ARHGAP10: variants seen among roughly 807,000 people sequenced by gnomAD.
The protein encoded by ARHGAP10 is rho GTPase-activating protein 10.
ARHGAP10 carries 87 observed loss-of-function variants against 108.6 expected under a neutral mutation model. The ratio of observed to expected loss-of-function variants is 0.80; its 90% CI spans 0.67 to 0.96. The LOEUF is 0.96. Ranked by LOEUF, ARHGAP10 falls within the 40% of genes least tolerant of loss-of-function variation. The pLI is 0.00. For missense variants in ARHGAP10, 939 were observed against 954.5 expected (o/e 0.98, Z 0.21); for synonymous variants, 347 against 341.1 (o/e 1.02, Z -0.19).
chr4:147,854,886 C>T, intron 4 of ARHGAP10: 2 of 984,600 alleles, frequency 2.0e-6, no homozygotes, highest in Non-Finnish European at 2.4e-6. Context: ...TAAATTCTTT[C>T]TTCATAAAGG....
intron 18 of ARHGAP10, among the ~76,000 whole-genome samples, chr4:148,009,984 C>T (rs1741107826): frequency 6.6e-6 from 1 of 152,104 alleles, no homozygotes; most frequent in Non-Finnish European, 1.5e-5. Flanking sequence ...CCTTGATTCC[C>T]AAACATTTTT....
chr4:147,848,221 T>C (rs2126819256), intron 4 of ARHGAP10, among the ~76,000 whole-genome samples: 1 of 152,290 alleles, frequency 6.6e-6, no homozygotes, highest in East Asian at 1.9e-4. Flanking sequence ...GTTTATGGAA[T>C]GAATTCTCAT....
chr4:148,022,628 T>C (rs1005757689), intron 18 of ARHGAP10, among the ~76,000 whole-genome samples: 3 of 152,226 alleles, frequency 2.0e-5, no homozygotes, highest in South Asian at 2.1e-4. Flanking sequence ...TTGTTATTAC[T>C]GATCTGTGAA....
chr4:148,065,650 A>C (rs1246007061), intron 22 of ARHGAP10: 1 of 152,164 alleles, frequency 6.6e-6, no homozygotes, highest in Non-Finnish European at 1.5e-5. Flanking sequence ...GCTGAAGGGG[A>C]GGGTGCGATG....
At chr4:147,996,889 G>A (rs1459092714) in intron 18 of ARHGAP10, among the ~76,000 whole-genome samples, 1 of 152,156 alleles carries the variant, frequency 6.6e-6, no homozygotes, top group African/African-American at 2.4e-5. Context: ...CCATCCACAA[G>A]CCAGGGAGGG....
chr4:147,875,536 C>T (rs1238382363), intron 8 of ARHGAP10, among the ~76,000 whole-genome samples: 1 of 152,214 alleles, frequency 6.6e-6, no homozygotes, highest in Non-Finnish European at 1.5e-5. Flanking sequence ...CCAATGCACA[C>T]AGGCACACAC....
At chr4:148,026,361 G>A (rs1313181994) in intron 19 of ARHGAP10, among the ~76,000 whole-genome samples, 4 of 152,126 alleles carry the variant, frequency 2.6e-5, no homozygotes, top group South Asian at 2.1e-4. Flanking sequence ...TGAAGCCGGA[G>A]GGGAGATCCT....
chr4:147,909,991 T>C (rs1359075025), intron 12 of ARHGAP10, among the ~76,000 whole-genome samples: 1 of 151,980 alleles, frequency 6.6e-6, no homozygotes, highest in Non-Finnish European at 1.5e-5. Context: ...CTTGTTGATC[T>C]TTCCCATCTG....
At chr4:148,049,959 C>T (rs955385493) in intron 20 of ARHGAP10, among the ~76,000 whole-genome samples, 1 of 151,936 alleles carries the variant, frequency 6.6e-6, no homozygotes, top group African/African-American at 2.4e-5. Context: ...CCTCCGCTTC[C>T]TGGGTTCAAG....
intron 3 of ARHGAP10, 32 bp from the exon 4 acceptor site, chr4:147,847,119 T>C: frequency 6.4e-7 from 1 of 1,570,066 alleles, no homozygotes; most frequent in Non-Finnish European, 8.7e-7. Flanking sequence ...AACCTAATGC[T>C]GTGCTCTTTT....
intron 1 of ARHGAP10, among the ~76,000 whole-genome samples, chr4:147,816,457 G>A (rs536459213): frequency 1.3e-5 from 2 of 152,286 alleles, no homozygotes; most frequent in East Asian, 3.9e-4. Flanking sequence ...AGTCATTCAA[G>A]TGACTTCAGA....
At chr4:147,976,139 G>C (rs949899566) in intron 18 of ARHGAP10, among the ~76,000 whole-genome samples, 4 of 152,138 alleles carry the variant, frequency 2.6e-5, no homozygotes, top group Non-Finnish European at 5.9e-5. Context: ...AATATATAAA[G>C]AGATTGAGTG....
chr4:147,843,371 T>C (rs1246632749), intron 3 of ARHGAP10, among the ~76,000 whole-genome samples: 1 of 152,198 alleles, frequency 6.6e-6, no homozygotes, highest in Non-Finnish European at 1.5e-5. Flanking sequence ...TGGTCATTCT[T>C]TGAGGAAGGG....
At chr4:148,029,779 G>A (rs1000061104) in intron 19 of ARHGAP10, among the ~76,000 whole-genome samples, 12 of 152,162 alleles carry the variant, frequency 7.9e-5, no homozygotes, top group African/African-American at 2.9e-4. Flanking sequence ...TGGAATTACT[G>A]TGTTGTGAAG....
chr4:147,872,184 C>T (rs1053919081), intron 7 of ARHGAP10, among the ~76,000 whole-genome samples: 2 of 150,464 alleles, frequency 1.3e-5, no homozygotes, highest in Admixed American at 1.3e-4. Flanking sequence ...GAGAGGGGGA[C>T]CTCATGGAGG....
chr4:147,915,140 G>A (rs1039563760), intron 13 of ARHGAP10, among the ~76,000 whole-genome samples: 4 of 152,188 alleles, frequency 2.6e-5, no homozygotes, highest in Non-Finnish European at 4.4e-5. Flanking sequence ...TGAAACTAGT[G>A]TGTAGGATAT....
chr4:147,782,205 C>T lies in ARHGAP10; in HGVS notation c.155-40522C>T, dbSNP rs565782358. Among the ~76,000 whole-genome samples the T allele has an allele frequency of 6.4e-4, 98 of 152,232 alleles. 1 individual carries two copies. Among genetic ancestry groups the T allele is most frequent in the Non-Finnish European group, 1.0e-3 (70 of 68,008 alleles). ...GGTGGGTGTGTGGGGTTTAGGCATA[C>T]AAATACTTGACTCTGAAAATTGACA... On this transcript the variant is annotated intron_variant, in intron 1 of 22. Coordinates refer to ENST00000336498, the MANE Select transcript of ARHGAP10 (RefSeq NM_024605.4).
intron 1 of ARHGAP10, among the ~76,000 whole-genome samples, chr4:147,744,584 CT>C (rs1372510980): frequency 2.0e-5 from 3 of 151,786 alleles, no homozygotes; most frequent in African/African-American, 7.3e-5. Context: ...AGGCCAGAGA[CT>C]TTGGTGGCAG....
intron 1 of ARHGAP10, among the ~76,000 whole-genome samples, chr4:147,819,082 C>T (rs1732380088): frequency 6.6e-6 from 1 of 152,190 alleles, no homozygotes; most frequent in South Asian, 2.1e-4. Context: ...AAATGAGCCC[C>T]AATTTAATCT....
Sources: allele counts gnomAD v4.1 joint callset (sites outside exome capture counted in the v4.1 genomes callset), GRCh38; gene constraint gnomAD v4.1.1; transcripts MANE v1.5; gene names NCBI Gene and HGNC (gene_info 2026-07-23, HGNC 2026-07-21).